TMCO6: variants seen among roughly 807,000 people sequenced by gnomAD.
TMCO6 encodes transmembrane and coiled-coil domains 6, also known as transmembrane and coiled-coil domain-containing protein 6.
TMCO6 carries 47 observed loss-of-function variants against 61.8 expected under a neutral mutation model. The observed-to-expected ratio is 0.76, with a 90% CI of 0.60 to 0.97. The LOEUF (loss-of-function observed/expected upper bound fraction) is 0.97. Among genes scored for constraint, TMCO6 ranks in the 50% least tolerant of loss-of-function variants. The pLI, the probability that TMCO6 is intolerant of heterozygous loss-of-function variation, is 0.00. For synonymous variants in TMCO6, 261 were observed against 254.2 expected (o/e 1.03, Z -0.25); for missense variants, 557 against 601.6 (o/e 0.93, Z 0.78).
the TMCO6 span, among the ~76,000 whole-genome samples, chr5:140,598,912 G>A: frequency 6.6e-6 from 1 of 152,062 alleles, no homozygotes; most frequent in Non-Finnish European, 1.5e-5. Flanking sequence ...CTCCAGCCTG[G>A]GTGACAGACC....
Position 140,644,990 on chromosome 5 carries a change from T to G in TMCO6, c.1374T>G (p.Val458=). 1 of 1,614,164 alleles carries G rather than the reference T, an allele frequency of 6.2e-7. No individual in the cohort carries two copies. The highest frequency in any genetic ancestry group is 8.5e-7 in the Non-Finnish European group (1 of 1,180,026). ...HLLFLYQPEA[V]QVFLQQSGLQ... is the part of the protein sequence containing the mutation. ...ATTTTCTTCCCTGCCCCTAGGCTGTTCAGGTCTTCCTGCAGCAGTCAGGGC... is the reference window on the plus strand; with the variant it reads ...ATTTTCTTCCCTGCCCCTAGGCTGTGCAGGTCTTCCTGCAGCAGTCAGGGC... The change falls in exon 12 of 12, where the codon GTT becomes GTG. Residue 458 remains valine, a synonymous_variant. Transcript: ENST00000394671.
At chr5:140,612,569 G>C in the TMCO6 span, among the ~76,000 whole-genome samples, 1 of 152,056 alleles carries the variant, frequency 6.6e-6, no homozygotes, top group Admixed American at 6.5e-5. Flanking sequence ...TCGATCTCGC[G>C]ACCTCGTGAT....
rs4147626 is a variant in TMCO6 at position 140,644,629 on chromosome 5, G to A, written c.1257G>A (p.Leu419=). The part of the protein sequence containing the change: ...AEKGPAYCQR[L]WPGPLLPALL... ...AGGGTCCTGCTTACTGCCAGCGGCT[G>A]TGGCCAGGGCCCCTGCTTCCCGCCT... Residue 419 remains leucine (L), a synonymous_variant, in exon 11 of 12, where the codon CTG becomes CTA. Coordinates refer to ENST00000394671, the MANE Select transcript of TMCO6 (RefSeq NM_018502.5). 278 of 1,614,126 alleles carry A rather than the reference G, an allele frequency of 1.7e-4. 2 individuals carry two copies. The East Asian group carries it at 6.0e-3, about 35-fold the overall frequency.
the TMCO6 span, among the ~76,000 whole-genome samples, chr5:140,605,616 G>T: frequency 6.6e-6 from 1 of 151,608 alleles, no homozygotes; most frequent in African/African-American, 2.4e-5. Context: ...GGAGGCAGAG[G>T]TTGCAGTGAG....
downstream of TMCO6, chr5:140,647,288 G>A (rs138906500): frequency 2.3e-5 from 36 of 1,571,720 alleles, no homozygotes; most frequent in Non-Finnish European, 2.9e-5. Flanking sequence ...CTGCACATCG[G>A]AGCATTCGCG....
the TMCO6 span, among the ~76,000 whole-genome samples, chr5:140,631,125 T>C: frequency 6.6e-6 from 1 of 152,218 alleles, no homozygotes; most frequent in African/African-American, 2.4e-5. Context: ...GGATCTCTAA[T>C]TCAGAGACCG....
chr5:140,644,726 C>T lies in TMCO6; in HGVS notation c.1354C>T (p.Leu452=). The stretch of plus-strand genomic sequence containing the variant: ...TTTGGAGCTGCTGCATCTGCTGTTC[C>T]TGTATCAGCCAGAGGTATAGGTTTC... The part of the protein sequence containing the change: ...QSLELLHLLF[L]YQPEAVQVFL... The change falls in exon 11 of 12, where the codon CTG becomes TTG. Residue 452 remains leucine, a synonymous_variant. Coordinates refer to ENST00000394671, the MANE Select transcript of TMCO6 (RefSeq NM_018502.5). The T allele has an allele frequency of 6.2e-7, 1 of 1,614,232 alleles. No individual in the cohort carries two copies. Among genetic ancestry groups the T allele is most frequent in the Non-Finnish European group, 8.5e-7 (1 of 1,180,036 alleles).
the TMCO6 span, among the ~76,000 whole-genome samples, chr5:140,598,927 C>T: frequency 6.6e-6 from 1 of 152,158 alleles, no homozygotes; most frequent in Non-Finnish European, 1.5e-5. Context: ...CAGACCAAGA[C>T]TCCATCTCAA....
chr5:140,645,420 T>G (rs2149800577), downstream of TMCO6: 1 of 896,948 alleles, frequency 1.1e-6, no homozygotes, highest in South Asian at 1.4e-5. Flanking sequence ...TTTGCCTCAG[T>G]GGTTGCACAG....
the TMCO6 span, among the ~76,000 whole-genome samples, chr5:140,600,537 C>T: frequency 6.6e-6 from 1 of 151,366 alleles, no homozygotes; most frequent in African/African-American, 2.4e-5. Flanking sequence ...GCGATCTCGG[C>T]TCACTGCAAC....
At chr5:140,606,090 C>A in the TMCO6 span, among the ~76,000 whole-genome samples, 4 of 122,296 alleles carry the variant, frequency 3.3e-5, no homozygotes, top group African/African-American at 1.2e-4. Context: ...CCTCCCCCTT[C>A]CCCCCCTTCT....
At chr5:140,632,651 A>G in the TMCO6 span, 2 of 1,613,698 alleles carry the variant, frequency 1.2e-6, no homozygotes, top group Middle Eastern at 1.6e-4. The surrounding 1 kb of genome is among the most constrained non-coding windows in gnomAD (Gnocchi z 6.2). Flanking sequence ...ACGCTAGCAC[A>G]CGCAGGGCGC....
downstream of TMCO6, among the ~76,000 whole-genome samples, chr5:140,646,415 AAGG>A (rs1381138080): frequency 1.3e-5 from 2 of 152,272 alleles, no homozygotes; most frequent in East Asian, 3.9e-4. Context: ...TGGCTTTTGG[AAGG>A]AGAAGCTTTT....
At chr5:140,621,334 A>G in the TMCO6 span, among the ~76,000 whole-genome samples, 3 of 152,228 alleles carry the variant, frequency 2.0e-5, no homozygotes, top group Admixed American at 1.3e-4. Context: ...GACATTTATT[A>G]GTTCCCCAAA....
rs770728144 is a variant in TMCO6 at position 140,642,629 on chromosome 5, C to T, written c.647C>T (p.Ser216Phe). The T allele has an allele frequency of 3.1e-6, 5 of 1,614,234 alleles. No homozygotes were observed. The highest frequency in any genetic ancestry group is 1.7e-5 in the Admixed American group (1 of 60,026). The change falls in exon 6 of 12, where the codon TCC (serine) becomes TTC (phenylalanine). Residue 216 changes from serine (S) to phenylalanine (F), a missense_variant. By Grantham distance (155) the Ser-to-Phe change is radical (BLOSUM62 -2). Coordinates refer to ENST00000394671, the MANE Select transcript of TMCO6 (RefSeq NM_018502.5). ...AVLEALGYAL[S>F]QLLQAEEAPE... ...CTGGAAGCTCTCGGATATGCCTTGT[C>T]CCAGCTTCTACAGGCTGAGGAAGCT...
Position 140,644,142 on chromosome 5 carries a change from T to C in TMCO6, c.1148T>C (p.Leu383Pro). The C allele has an allele frequency of 1.9e-6, 3 of 1,614,240 alleles. No individual in the cohort carries two copies. The highest frequency in any genetic ancestry group is 2.5e-6 in the Non-Finnish European group (3 of 1,180,038). ...SFCTSLLSLD[L>P]IEPLLQLLPV... Reference sequence around the variant, plus strand: ...TGTACCTCCTTGCTCTCCCTGGATCTGATTGAGCCTCTCTTACAGCTGTTG... The same window carrying C: ...TGTACCTCCTTGCTCTCCCTGGATCCGATTGAGCCTCTCTTACAGCTGTTG... Residue 383 changes from leucine (L) to proline (P), a missense_variant, in exon 10 of 12, where the codon CTG (leucine) becomes CCG (proline). Physicochemically the swap from Leu to Pro is moderately conservative, Grantham distance 98. Coordinates refer to ENST00000394671, the MANE Select transcript of TMCO6 (RefSeq NM_018502.5).
the TMCO6 span, among the ~76,000 whole-genome samples, chr5:140,600,676 C>T: frequency 6.6e-6 from 1 of 151,932 alleles, no homozygotes; most frequent in African/African-American, 2.4e-5. Flanking sequence ...TTTTGGCCAG[C>T]CTGGTCTCAA....
the TMCO6 span, among the ~76,000 whole-genome samples, chr5:140,626,447 C>T: frequency 6.6e-6 from 1 of 152,016 alleles, no homozygotes; most frequent in African/African-American, 2.4e-5. Context: ...GTCACCCTGG[C>T]TGGAGTGCAG....
downstream of TMCO6, chr5:140,645,766 C>T (rs1338150743): frequency 7.6e-6 from 12 of 1,586,606 alleles, no homozygotes; most frequent in Admixed American, 3.5e-5. Flanking sequence ...TTATCTTAGT[C>T]TTGTTAAGAC....
Sources: allele counts gnomAD v4.1 joint callset (sites outside exome capture counted in the v4.1 genomes callset), GRCh38; gene constraint gnomAD v4.1.1; non-coding constraint Gnocchi (gnomAD v3.1); transcripts MANE v1.5; gene names NCBI Gene and HGNC (gene_info 2026-07-23, HGNC 2026-07-21).